COL6A6: variants seen among roughly 807,000 people sequenced by gnomAD.
COL6A6 encodes collagen type VI alpha 6 chain, also known as collagen alpha-6(VI) chain.
A neutral mutation model predicts 208.6 loss-of-function variants in COL6A6; 183 were observed. The observed-to-expected ratio is 0.88, with a 90% CI of 0.78 to 0.99. COL6A6 has a LOEUF of 0.99. Ranked by LOEUF, COL6A6 falls within the 50% of genes least tolerant of loss-of-function variation. The probability of loss-of-function intolerance (pLI) is 0.00; values close to 1 mark genes in which losing one functional copy is unlikely to be tolerated. For missense variants in COL6A6, 2,816 were observed against 2,815.2 expected, an observed-to-expected ratio of 1.00 and a Z score of -0.01; for synonymous variants, 973 against 1,011.8, an observed-to-expected ratio of 0.96 and a Z score of 0.73.
intron 28 of COL6A6, among the ~76,000 whole-genome samples, chr3:130,636,706 A>G (rs960745219): frequency 2.0e-5 from 3 of 148,646 alleles, no homozygotes; most frequent in Admixed American, 1.4e-4. Flanking sequence ...GGTACAAAAT[A>G]AGGAAACTCC....
chr3:130,664,414 AT>A (rs1283962045), intron 35 of COL6A6, among the ~76,000 whole-genome samples: 2 of 152,148 alleles, frequency 1.3e-5, no homozygotes, highest in East Asian at 3.8e-4. Flanking sequence ...TAGCAAATCT[AT>A]TTGATTTACT....
intron 33 of COL6A6, among the ~76,000 whole-genome samples, chr3:130,655,278 C>T (rs2065757549): frequency 6.6e-6 from 1 of 152,240 alleles, no homozygotes; most frequent in South Asian, 2.1e-4. Flanking sequence ...TTACCCATTT[C>T]TCTAGAAGAG....
chr3:130,660,144 G>T (rs1242474424), intron 34 of COL6A6, among the ~76,000 whole-genome samples: 1 of 152,232 alleles, frequency 6.6e-6, no homozygotes. Context: ...TCATTTCTTG[G>T]CTTAAACCCT....
intron 4 of COL6A6, among the ~76,000 whole-genome samples, chr3:130,566,237 T>C (rs1011698541): frequency 6.6e-6 from 1 of 152,188 alleles, no homozygotes; most frequent in Non-Finnish European, 1.5e-5. Context: ...AATGTCATTG[T>C]CTCACTCATG....
chr3:130,659,701 T>TA (rs1223476712), intron 34 of COL6A6, among the ~76,000 whole-genome samples: 2 of 152,230 alleles, frequency 1.3e-5, no homozygotes, highest in Non-Finnish European at 2.9e-5. Context: ...GTCTGCAGTT[T>TA]ATGAAAAACA....
chr3:130,553,846 G>A (rs1051485258), intron 1 of COL6A6, among the ~76,000 whole-genome samples: 11 of 71,746 alleles, frequency 1.5e-4, no homozygotes, highest in Non-Finnish European at 4.7e-4. Context: ...TTTTTTTTGT[G>A]TTTTTTTTTG....
chr3:130,570,864 C>T lies in COL6A6; in HGVS notation c.2448C>T (p.Ser816=), dbSNP rs917178466. 8 of 1,613,806 alleles carry T rather than the reference C, an allele frequency of 5.0e-6. No homozygotes were observed. Among genetic ancestry groups the T allele is most frequent in the Middle Eastern group, 1.6e-4 (1 of 6,062 alleles). ...TAGACGTTGTGTTTGTCATTGATAG[C>T]TCTGGCAGTATTGACTATGATGAGT... ...EVLDVVFVID[S]SGSIDYDEYN... The change falls in exon 7 of 37, where the codon AGC becomes AGT. Residue 816 remains serine (S), a synonymous_variant. Coordinates refer to ENST00000358511, the MANE Select transcript of COL6A6 (RefSeq NM_001102608.3).
chr3:130,635,786 T>C (rs200753329), intron 28 of COL6A6, 25 bp downstream of exon 28: 21 of 1,566,038 alleles, frequency 1.3e-5, no homozygotes, highest in Middle Eastern at 1.7e-4. Flanking sequence ...TTCCAATTGC[T>C]GACAACCTCA....
intron 1 of COL6A6, among the ~76,000 whole-genome samples, chr3:130,556,896 G>A (rs902821468): frequency 6.6e-6 from 1 of 152,150 alleles, no homozygotes; most frequent in African/African-American, 2.4e-5. Flanking sequence ...GTCATCTGAG[G>A]GGCAGTTTTC....
In COL6A6 at chr3:130,581,876, T is replaced by C. The variant is rs771371990; in HGVS notation, c.3863T>C (p.Phe1288Ser). ...CTCTTGGATTCTCTATGGGATACAT[T>C]TCAGAATAAATCAGCTGCTCGAGGA... The part of the protein sequence containing the change: ...ANLLDSLWDT[F>S]QNKSAARGKV... Residue 1288 changes from phenylalanine to serine, a missense_variant, in exon 9 of 37, where the codon TTT becomes TCT. Coordinates refer to ENST00000358511, the MANE Select transcript of COL6A6 (RefSeq NM_001102608.3). The C allele has an allele frequency of 5.0e-6, 8 of 1,609,492 alleles. No individual in the cohort carries two copies. The highest frequency in any genetic ancestry group is 6.8e-6 in the Non-Finnish European group (8 of 1,177,314).
chr3:130,535,054 C>T (rs540885609), intron 1 of COL6A6, among the ~76,000 whole-genome samples: 1 of 152,264 alleles, frequency 6.6e-6, no homozygotes, highest in African/African-American at 2.4e-5. Context: ...CAAGAGAACT[C>T]ATAGTATTTT....
intron 1 of COL6A6, among the ~76,000 whole-genome samples, chr3:130,530,823 G>T (rs947487597): frequency 6.6e-6 from 1 of 152,050 alleles, no homozygotes; most frequent in South Asian, 2.1e-4. Flanking sequence ...TCAGCTGAAG[G>T]CCTTAAGGAA....
intron 18 of COL6A6, among the ~76,000 whole-genome samples, chr3:130,596,914 C>A (rs1358175539): frequency 6.6e-6 from 1 of 151,972 alleles, no homozygotes; most frequent in African/African-American, 2.4e-5. Context: ...TATTATAAGC[C>A]CATGTTTAAT....
intron 1 of COL6A6, among the ~76,000 whole-genome samples, chr3:130,544,597 C>G (rs1485067445): frequency 6.6e-6 from 1 of 152,180 alleles, no homozygotes; most frequent in Non-Finnish European, 1.5e-5. Flanking sequence ...TTTCTGATTT[C>G]TCTGGGCAAC....
In COL6A6 at chr3:130,661,574, T is replaced by C. The variant is rs986694206; in HGVS notation, c.5831-63T>C. ...ATGCAGTTTCCAAATGTCAAAATATTTGACATGCTATCTTCCCTTTTCTAT... is the reference window on the plus strand; with the variant it reads ...ATGCAGTTTCCAAATGTCAAAATATCTGACATGCTATCTTCCCTTTTCTAT... On this transcript the variant is annotated intron_variant, in intron 34 of 36. Coordinates refer to ENST00000358511, the MANE Select transcript of COL6A6 (RefSeq NM_001102608.3). 3 of 1,334,374 alleles carry C rather than the reference T, an allele frequency of 2.2e-6. No individual in the cohort carries two copies. In the African/African-American group the frequency reaches 4.4e-5, roughly 20 times the overall value. 82.7% of individuals were successfully genotyped at this position (1,334,374 alleles called of 1,614,324 possible). A position where few individuals can be genotyped will look rare whatever the true frequency, so the allele number is the denominator to read the frequency against.
chr3:130,591,835 T>G lies in COL6A6; in HGVS notation c.4273-706T>G, dbSNP rs529846905. On this transcript the variant is annotated intron_variant, in intron 13 of 36. Transcript: ENST00000358511. ...AACAGCCTTAGCTAAAGTTGGGGCT[T>G]GAGAGGGGAACGCTGCGAACAAGGA... Among the ~76,000 whole-genome samples the G allele has an allele frequency of 1.2e-3, 188 of 152,204 alleles. 1 individual carries two copies. Among genetic ancestry groups the G allele is most frequent in the Non-Finnish European group, 2.1e-3 (145 of 68,014 alleles).
chr3:130,583,485 G>A (rs547190171), intron 10 of COL6A6, among the ~76,000 whole-genome samples: 1 of 152,234 alleles, frequency 6.6e-6, no homozygotes, highest in East Asian at 1.9e-4. Context: ...AAGTGCTTTG[G>A]AATATCCAGA....
intron 1 of COL6A6, among the ~76,000 whole-genome samples, chr3:130,546,103 A>C (rs1464240194): frequency 1.3e-5 from 2 of 152,094 alleles, no homozygotes; most frequent in African/African-American, 2.4e-5. Context: ...GTTGTGTCCA[A>C]AATTCATGGG....
intron 33 of COL6A6, among the ~76,000 whole-genome samples, chr3:130,655,916 A>G (rs1382965304): frequency 1.3e-5 from 2 of 152,212 alleles, no homozygotes; most frequent in Non-Finnish European, 2.9e-5. Context: ...GGCATGGAGC[A>G]GCGAGGGGTG....
Sources: gnomAD v4.1 joint callset for allele counts (sites outside exome capture counted in the v4.1 genomes callset) on GRCh38, gnomAD v4.1.1 for gene constraint, MANE v1.5 for transcripts, NCBI Gene and HGNC (gene_info 2026-07-23, HGNC 2026-07-21) for gene names.